Variants in HEATR1 observed in about 807,000 individuals in gnomAD.
The protein encoded by HEATR1 is HEAT repeat-containing protein 1.
HEATR1 carries 77 observed loss-of-function variants against 248.2 expected under a neutral mutation model. The observed-to-expected ratio is 0.31, with a 90% confidence interval of 0.26 to 0.37. The LOEUF (loss-of-function observed/expected upper bound fraction) is 0.37. HEATR1 is among the 10% of genes least tolerant of loss of function. The pLI is 1.00. For missense variants in HEATR1, 2,420 were observed against 2,504.9 expected, an observed-to-expected ratio of 0.97 and a Z score of 0.72; for synonymous variants, 897 against 923.1, an observed-to-expected ratio of 0.97 and a Z score of 0.51.
At chr1:236,567,320 T>C (rs949447611) in intron 29 of HEATR1, among the ~76,000 whole-genome samples, 4 of 152,150 alleles carry the variant, frequency 2.6e-5, no homozygotes, top group African/African-American at 9.7e-5. Context: ...AAATATTCAG[T>C]AAGTACCTGT....
In HEATR1 at chr1:236,576,330, T is replaced by C; in HGVS notation, c.2973A>G (p.Lys991=). The part of the protein sequence containing the change: ...FEELQREKKL[K]SHQKLSETLK... ...AAGTTTCAGACAACTTCTGATGAGA[T>C]TTCAGTTTCTTTTCTCTCTGTAGTT... The change falls in exon 22 of 45, where the codon AAA becomes AAG. Residue 991 remains lysine (K), a synonymous_variant. Coordinates refer to ENST00000366582, the MANE Select transcript of HEATR1 (RefSeq NM_018072.6). The C allele has an allele frequency of 3.7e-6, 6 of 1,610,662 alleles. No homozygotes were observed. The highest frequency in any genetic ancestry group is 1.7e-5 in the Admixed American group (1 of 59,334).
intron 33 of HEATR1, 120 bp downstream of exon 33, chr1:236,561,105 A>G (rs1663118687): frequency 1.3e-6 from 1 of 750,892 alleles, no homozygotes; most frequent in Non-Finnish European, 2.3e-6. Context: ...GGCAGAAAGT[A>G]TTATCAAATG....
At chr1:236,555,134 C>A (rs1057241811) in intron 41 of HEATR1, among the ~76,000 whole-genome samples, 162 bp downstream of exon 41, 2 of 152,212 alleles carry the variant, frequency 1.3e-5, no homozygotes, top group African/African-American at 4.8e-5. Flanking sequence ...GCTAAAACAA[C>A]ACTTCACTGT....
chr1:236,600,124 T>A (rs1454352295), intron 3 of HEATR1, among the ~76,000 whole-genome samples: 6 of 119,828 alleles, frequency 5.0e-5, no homozygotes, highest in Non-Finnish European at 8.6e-5. Flanking sequence ...CAACATTTTT[T>A]TTTTTTTTTT....
intron 23 of HEATR1, 126 bp from the exon 24 acceptor site, chr1:236,574,459 A>T (rs1278903775): frequency 1.8e-5 from 23 of 1,248,288 alleles, no homozygotes; most frequent in Non-Finnish European, 2.0e-5. Context: ...TTAAAATGCA[A>T]TTCTTTTTAA....
At position 236,554,747 on chromosome 1, in the gene HEATR1, C is replaced by T; in HGVS notation, c.5929G>A (p.Ala1977Thr). Reference sequence around the variant, plus strand: ...GGGTCATTTTCAGAGTCAAAAAATGCTTCATCTGTAGACGTGGGAAGAGTA... The same window carrying T: ...GGGTCATTTTCAGAGTCAAAAAATGTTTCATCTGTAGACGTGGGAAGAGTA... ...NQVNISKTDE[A>T]FFDSENDPEK... Residue 1977 changes from alanine (A) to threonine (T), a missense_variant, in exon 42 of 45, where the codon GCA becomes ACA. Physicochemically the swap from Ala to Thr is moderately conservative, Grantham distance 58. Coordinates refer to ENST00000366582, the MANE Select transcript of HEATR1 (RefSeq NM_018072.6). 6.2e-7 allele frequency: 1 copy of T among 1,610,016 alleles called. No individual in the cohort carries two copies. Among genetic ancestry groups the T allele is most frequent in the South Asian group, 1.1e-5 (1 of 89,674 alleles).
At chr1:236,567,970 T>C (rs1471378289) in intron 29 of HEATR1, among the ~76,000 whole-genome samples, 1 of 152,216 alleles carries the variant, frequency 6.6e-6, no homozygotes, top group African/African-American at 2.4e-5. Context: ...GTTGAATAAA[T>C]GACAGAAAGA....
chr1:236,575,410 C>T (rs1202501887), intron 22 of HEATR1, among the ~76,000 whole-genome samples: 1 of 152,198 alleles, frequency 6.6e-6, no homozygotes, highest in Non-Finnish European at 1.5e-5. Flanking sequence ...CATTTGTTTA[C>T]ACCCTGTCTG....
At position 236,582,963 on chromosome 1, in the gene HEATR1, T is replaced by C. The variant is rs368341182; in HGVS notation, c.2425+50A>G. On this transcript the variant is annotated intron_variant, in intron 18 of 44. Transcript: ENST00000366582. ...AAGACAGTCATTGTGGAGTCAATCATTCAGTTTTGCAGAGTATCACATTTA... is the reference window on the plus strand; with the variant it reads ...AAGACAGTCATTGTGGAGTCAATCACTCAGTTTTGCAGAGTATCACATTTA... 2.5e-6 allele frequency: 4 copies of C among 1,605,532 alleles called. No individual in the cohort carries two copies. The Admixed American group carries it at 5.0e-5, about 20-fold the overall frequency.
rs140569922 is a variant in HEATR1, at chr1:236,596,485, G to A, written c.744+351C>T. Among the ~76,000 whole-genome samples, 99 of 152,316 alleles carry A rather than the reference G, an allele frequency of 6.5e-4. 1 individual carries two copies. The highest frequency in any genetic ancestry group is 2.3e-3 in the African/African-American group (96 of 41,572). On this transcript the variant is annotated intron_variant, in intron 6 of 44. Transcript: ENST00000366582. ...AAGAAGGCACTTGGGAAGGAGAAAC[G>A]CTGAGAGGCAGGAGCCAGTGCACAA...
chr1:236,557,092 C>G (rs1662997936), intron 37 of HEATR1, 103 bp downstream of exon 37: 7 of 1,226,962 alleles, frequency 5.7e-6, no homozygotes, highest in Non-Finnish European at 7.8e-6. Context: ...TCCTTTCTGT[C>G]AAACGGAAAC....
intron 17 of HEATR1, among the ~76,000 whole-genome samples, chr1:236,584,396 T>A (rs561600490): frequency 5.3e-5 from 8 of 152,136 alleles, no homozygotes; most frequent in Non-Finnish European, 1.0e-4. Flanking sequence ...ACTTATAAAA[T>A]CCTGCGGGTA....
In HEATR1 at chr1:236,550,858, A is replaced by T. The variant is rs112787187; in HGVS notation, c.*44T>A. On this transcript the variant is annotated 3_prime_UTR_variant, in exon 45 of 45. Transcript: ENST00000366582. ...ACACCCAAAAATAAAAATATGAAAT[A>T]TGAGTGTGAACTCTGAGTAGAGTAT... The T allele has an allele frequency of 1.4e-6, 2 of 1,428,798 alleles. No individual in the cohort carries two copies. 88.5% of individuals were successfully genotyped at this position (1,428,798 alleles called of 1,614,324 possible).
chr1:236,580,976 C>T lies in HEATR1; in HGVS notation c.2755+246G>A, dbSNP rs527666559. 5.3e-5 allele frequency among the ~76,000 whole-genome samples: 8 copies of T among 151,960 alleles called. No individual in the cohort carries two copies. The South Asian group carries it at 6.2e-4, about 12-fold the overall frequency. On this transcript the variant is annotated intron_variant, in intron 20 of 44. Coordinates refer to ENST00000366582, the MANE Select transcript of HEATR1 (RefSeq NM_018072.6). ...CTGGGATTACAGGCACATGCCACCA[C>T]GCCCAGCTAATTTTTGTATTTTTAG...
chr1:236,557,285 G>A lies in HEATR1; in HGVS notation c.5265C>T (p.Val1755=). The A allele has an allele frequency of 6.2e-7, 1 of 1,614,204 alleles. No individual in the cohort carries two copies. Among genetic ancestry groups the A allele is most frequent in the Non-Finnish European group, 8.5e-7 (1 of 1,180,020 alleles). ...GAGCAGCCAAGGCACTGAGCAGGTAGACCTCGCTGGAGACCAGCTCGCTGG... is the reference window on the plus strand; with the variant it reads ...GAGCAGCCAAGGCACTGAGCAGGTAAACCTCGCTGGAGACCAGCTCGCTGG... The part of the protein sequence containing the change: ...KNTSELVSSE[V]YLLSALAALQ... Residue 1755 remains valine (V), a synonymous_variant, in exon 37 of 45, where the codon GTC becomes GTT. Transcript: ENST00000366582.
intron 20 of HEATR1, among the ~76,000 whole-genome samples, chr1:236,580,519 CTTTTT>C (rs10692063): frequency 4.5e-5 from 6 of 132,128 alleles, no homozygotes; most frequent in African/African-American, 2.7e-5. Flanking sequence ...ATGTACAGCC[CTTTTT>C]TTTTTTTTTT....
rs983728592 is a variant in HEATR1 at position 236,557,186 on chromosome 1, G to A, written c.5355+9C>T. 16 of 1,613,078 alleles carry A rather than the reference G, an allele frequency of 9.9e-6. No individual in the cohort carries two copies. Among genetic ancestry groups the A allele is most frequent in the Admixed American group, 1.7e-5 (1 of 59,872 alleles). On this transcript the variant is annotated intron_variant, in intron 37 of 44. Transcript: ENST00000366582. ...CCCTGCGTAGCATGTCGTGGCTATC[G>A]TGGCTCACCTGGGAGAGAATGCCTT...
At chr1:236,585,392 A>C (rs1269024360) in intron 16 of HEATR1, among the ~76,000 whole-genome samples, 176 bp from the exon 17 acceptor site, 1 of 152,218 alleles carries the variant, frequency 6.6e-6, no homozygotes, top group Non-Finnish European at 1.5e-5. Flanking sequence ...AATTTCAGAA[A>C]CTGTAATGAA....
chr1:236,603,428 A>C, intron 2 of HEATR1, 52 bp from the exon 3 acceptor site: 1 of 1,428,992 alleles, frequency 7.0e-7, no homozygotes, highest in Non-Finnish European at 9.8e-7. Context: ...AAGCAAATTC[A>C]TCCCACCCCT....
Sources: allele counts gnomAD v4.1 joint callset (sites outside exome capture counted in the v4.1 genomes callset), GRCh38; gene constraint gnomAD v4.1.1; transcripts MANE v1.5; gene names NCBI Gene and HGNC (gene_info 2026-07-23, HGNC 2026-07-21).